The following LRFN5 variants were observed in gnomAD, a reference collection of about 807,000 sequenced individuals.
LRFN5 encodes the protein leucine rich repeat and fibronectin type III domain containing 5.
Under a neutral mutation model 45.6 loss-of-function variants are expected in LRFN5, and 24 were observed. The ratio of observed to expected loss-of-function variants is 0.53; its 90% CI spans 0.38 to 0.74. LRFN5 has a LOEUF of 0.74. LRFN5 is among the 30% of genes least tolerant of loss of function. LRFN5 has a pLI of 0.00. For missense variants in LRFN5, 776 were observed against 861.5 expected (o/e 0.90, Z 1.24); for synonymous variants, 340 against 313.8 (o/e 1.08, Z -0.88).
chr14:41,739,455 A>G (rs1231679448), intron 1 of LRFN5, among the ~76,000 whole-genome samples: 1 of 151,932 alleles, frequency 6.6e-6, no homozygotes, highest in Non-Finnish European at 1.5e-5. Context: ...TGGAAATTAA[A>G]TATCCTTCTT....
chr14:41,721,213 A>G (rs1555357751), intron 1 of LRFN5, among the ~76,000 whole-genome samples: 1 of 151,522 alleles, frequency 6.6e-6, no homozygotes, highest in Non-Finnish European at 1.5e-5. Context: ...TTTTTTTTCC[A>G]TTTGAGTGAC....
At chr14:41,869,703 A>G (rs1023155872) in intron 2 of LRFN5, among the ~76,000 whole-genome samples, 2 of 152,110 alleles carry the variant, frequency 1.3e-5, no homozygotes, top group Non-Finnish European at 2.9e-5. Context: ...CACATCTTAC[A>G]TGGTGGCAGA....
At chr14:41,697,821 T>C (rs1327897858) in intron 1 of LRFN5, among the ~76,000 whole-genome samples, 1 of 151,962 alleles carries the variant, frequency 6.6e-6, no homozygotes, top group East Asian at 1.9e-4. Flanking sequence ...TTTTATGTAG[T>C]TGATAATGTA....
chr14:41,760,248 A>C (rs900411278), intron 1 of LRFN5, among the ~76,000 whole-genome samples: 2 of 152,164 alleles, frequency 1.3e-5, no homozygotes, highest in Non-Finnish European at 2.9e-5. Flanking sequence ...ATAAATAAAT[A>C]AACATTTATT....
intron 1 of LRFN5, among the ~76,000 whole-genome samples, chr14:41,610,660 G>GAAAAAAAA (rs1566586963): frequency 9.5e-5 from 1 of 10,512 alleles, no homozygotes; most frequent in African/African-American, 5.7e-4. Context: ...CCCAGGGAAG[G>GAAAAAAAA]TAAAAAAAAA....
chr14:41,629,896 AG>A (rs1244754019), intron 1 of LRFN5, among the ~76,000 whole-genome samples: 1 of 152,078 alleles, frequency 6.6e-6, no homozygotes, highest in Non-Finnish European at 1.5e-5. Context: ...TTTTTTATGT[AG>A]TGGCTGTTTT....
Position 41,887,909 on chromosome 14 carries a change from A to G in LRFN5, c.1284A>G (p.Ser428=). The change falls in exon 3 of 6, where the codon TCA becomes TCG. Residue 428 remains serine, a synonymous_variant. Transcript: ENST00000298119. This position sits in a 1 kb window ranked among gnomAD's most constrained non-coding sequence, Gnocchi z 4.8. ...QDKIVVAEAT[S]STALLKFNFQ... is the part of the protein sequence containing the mutation. ...AAATTGTGGTGGCAGAAGCTACATC[A>G]TCAACGGCACTACTTAAATTTAATT... 6.2e-7 allele frequency: 1 copy of G among 1,614,060 alleles called. No homozygotes were observed. Among genetic ancestry groups the G allele is most frequent in the African/African-American group, 1.3e-5 (1 of 75,054 alleles).
intron 2 of LRFN5, among the ~76,000 whole-genome samples, chr14:41,795,783 G>T (rs149125583): frequency 2.0e-5 from 3 of 151,876 alleles, no homozygotes; most frequent in Non-Finnish European, 2.9e-5. Flanking sequence ...TCGTAGGTTG[G>T]GGGGAGGGGG....
chr14:41,851,294 C>CAT (rs5808158), intron 2 of LRFN5, among the ~76,000 whole-genome samples: 110,788 of 151,254 alleles, frequency 0.73, 40,915 homozygotes, highest in African/African-American at 0.83. Flanking sequence ...ACAATACTAA[C>CAT]ATGAATTACA....
chr14:41,710,720 T>G (rs1883247340), intron 1 of LRFN5, among the ~76,000 whole-genome samples: 1 of 152,158 alleles, frequency 6.6e-6, no homozygotes. Flanking sequence ...GCTGCACCCA[T>G]TAACTCGTCA....
chr14:41,790,768 A>G (rs1886890708), intron 2 of LRFN5, among the ~76,000 whole-genome samples: 1 of 66,700 alleles, frequency 1.5e-5, no homozygotes, highest in African/African-American at 6.9e-5. Flanking sequence ...GTAGGGAACC[A>G]TGGTCTTTAT....
intron 1 of LRFN5, among the ~76,000 whole-genome samples, chr14:41,737,049 G>T (rs573065911): frequency 6.6e-6 from 1 of 152,034 alleles, no homozygotes; most frequent in South Asian, 2.1e-4. Flanking sequence ...ACACAACAAA[G>T]AAAGAAAATT....
intron 1 of LRFN5, among the ~76,000 whole-genome samples, chr14:41,680,517 T>G (rs1271882064): frequency 6.6e-6 from 1 of 152,128 alleles, no homozygotes; most frequent in East Asian, 1.9e-4. Context: ...ATGACCAAGG[T>G]GGTCCCTCTA....
chr14:41,786,716 A>G (rs1196951064), intron 2 of LRFN5, among the ~76,000 whole-genome samples: 2 of 151,028 alleles, frequency 1.3e-5, no homozygotes, highest in Non-Finnish European at 3.0e-5. Context: ...GTACGCTTTC[A>G]TTTTTCTAGG....
intron 2 of LRFN5, among the ~76,000 whole-genome samples, chr14:41,794,919 A>G (rs1887064003): frequency 6.6e-6 from 1 of 151,952 alleles, no homozygotes; most frequent in African/African-American, 2.4e-5. Flanking sequence ...TTAATTATAA[A>G]TATTTAAATA....
intron 1 of LRFN5, among the ~76,000 whole-genome samples, chr14:41,670,115 ATATATATACATG>A (rs1881103104): frequency 7.5e-6 from 1 of 134,228 alleles, no homozygotes; most frequent in Admixed American, 7.8e-5. Context: ...CTATACATTC[ATATATATACATG>A]TATATATACA....
chr14:41,778,651 AG>A (rs1213440073), intron 2 of LRFN5, among the ~76,000 whole-genome samples: 1 of 151,814 alleles, frequency 6.6e-6, no homozygotes, highest in Non-Finnish European at 1.5e-5. Context: ...AGAACTATGG[AG>A]CTACCACTCA....
chr14:41,684,881 A>G (rs891166316), intron 1 of LRFN5, among the ~76,000 whole-genome samples: 1 of 152,174 alleles, frequency 6.6e-6, no homozygotes, highest in African/African-American at 2.4e-5. Flanking sequence ...GAATGTGAGA[A>G]AATGTTTGCA....
intron 2 of LRFN5, among the ~76,000 whole-genome samples, chr14:41,788,788 A>G (rs868439195): frequency 6.6e-6 from 1 of 152,068 alleles, no homozygotes; most frequent in Middle Eastern, 3.4e-3. Flanking sequence ...TTTCTTTGAG[A>G]TGTCACGTAA....
Sources: allele counts gnomAD v4.1 joint callset (sites outside exome capture counted in the v4.1 genomes callset), GRCh38; gene constraint gnomAD v4.1.1; non-coding constraint Gnocchi (gnomAD v3.1); transcripts MANE v1.5; gene names NCBI Gene and HGNC (gene_info 2026-07-23, HGNC 2026-07-21).